PDCD6IP: variants seen among roughly 807,000 people sequenced by gnomAD.
PDCD6IP encodes the protein programmed cell death 6 interacting protein.
PDCD6IP carries 43 observed loss-of-function variants against 103.7 expected under a neutral mutation model. The observed-to-expected ratio is 0.41, with a 90% CI of 0.32 to 0.53. The LOEUF (loss-of-function observed/expected upper bound fraction) is 0.53, where lower values mean the gene tolerates loss of function less well. PDCD6IP is among the 20% of genes least tolerant of loss of function. The probability of loss-of-function intolerance (pLI) is 0.16; values close to 1 mark genes in which losing one functional copy is unlikely to be tolerated. For synonymous variants in PDCD6IP, 354 were observed against 378.7 expected, an observed-to-expected ratio of 0.93 and a Z score of 0.76; for missense variants, 871 against 1,036.7, an observed-to-expected ratio of 0.84 and a Z score of 2.20.
rs371977368 is a variant in PDCD6IP at position 33,836,185 on chromosome 3, C to A, written c.976C>A (p.Leu326Ile). ...CATTTATCATGATCGAGTTCCAGAC[C>A]TTAAAGATCTAGATCCTATTGGCAA... ...DFIYHDRVPD[L>I]KDLDPIGKAT... The change falls in exon 8 of 18, where the codon CTT becomes ATT. Residue 326 changes from leucine to isoleucine, a missense_variant. Transcript: ENST00000307296. 1.9e-6 allele frequency: 3 copies of A among 1,613,282 alleles called. No homozygotes were observed. Among genetic ancestry groups the A allele is most frequent in the Non-Finnish European group, 2.5e-6 (3 of 1,179,254 alleles).
rs148107122 is a variant in PDCD6IP at position 33,825,144 on chromosome 3, T to A, written c.463-43T>A. ...TTATATGTAACAGTAGGAAATTAAG[T>A]CTTGCTGAGTTCCTATAAAGAAATT... On this transcript the variant is annotated intron_variant, in intron 4 of 17. Coordinates refer to ENST00000307296, the MANE Select transcript of PDCD6IP (RefSeq NM_013374.6). 5.8e-3 allele frequency: 8,991 copies of A among 1,538,104 alleles called. 36 individuals are homozygous for A. Among genetic ancestry groups the A allele is most frequent in the Non-Finnish European group, 6.2e-3 (6,945 of 1,125,780 alleles).
chr3:33,851,955 G>A lies in PDCD6IP; in HGVS notation c.1642-533G>A, dbSNP rs369859757. ...CTCTATATCTCTCTCAGTCTCTCTA[G>A]GCAAAATAGGATATCTACTTACCTA... On this transcript the variant is annotated intron_variant, in intron 12 of 17. Coordinates refer to ENST00000307296, the MANE Select transcript of PDCD6IP (RefSeq NM_013374.6). Among the ~76,000 whole-genome samples the A allele has an allele frequency of 2.6e-4, 39 of 152,088 alleles. 2 individuals are homozygous for A. The South Asian group carries it at 7.5e-3, about 29-fold the overall frequency.
intron 12 of PDCD6IP, among the ~76,000 whole-genome samples, chr3:33,850,651 C>CT (rs946851284): frequency 1.3e-5 from 2 of 152,002 alleles, no homozygotes; most frequent in African/African-American, 2.4e-5. Context: ...CTTTTGTATC[C>CT]TTTTTTTCTC....
At chr3:33,841,640 A>G (rs1415674021) in intron 9 of PDCD6IP, among the ~76,000 whole-genome samples, 3 of 150,372 alleles carry the variant, frequency 2.0e-5, no homozygotes, top group Non-Finnish European at 4.4e-5. Context: ...GGGTTTCACC[A>G]TGTTAGCCAG....
intron 4 of PDCD6IP, among the ~76,000 whole-genome samples, chr3:33,824,901 A>T (rs1697082540): frequency 6.6e-6 from 1 of 152,196 alleles, no homozygotes; most frequent in Non-Finnish European, 1.5e-5. Flanking sequence ...GTTAATTTTG[A>T]GGAAGTATAT....
intron 6 of PDCD6IP, among the ~76,000 whole-genome samples, chr3:33,828,144 T>C (rs2125558137): frequency 6.6e-6 from 1 of 152,296 alleles, no homozygotes; most frequent in Non-Finnish European, 1.5e-5. Context: ...TTGGATCTTT[T>C]GAAATTAATT....
intron 1 of PDCD6IP, among the ~76,000 whole-genome samples, chr3:33,800,765 AG>A (rs1416276582): frequency 6.6e-6 from 1 of 152,168 alleles, no homozygotes; most frequent in Non-Finnish European, 1.5e-5. Context: ...TGGTATAATG[AG>A]CCCTGTGATA....
intron 15 of PDCD6IP, among the ~76,000 whole-genome samples, chr3:33,855,669 A>G (rs1481780038): frequency 1.3e-5 from 2 of 152,226 alleles, no homozygotes; most frequent in Non-Finnish European, 2.9e-5. Flanking sequence ...GCTGCTGAGA[A>G]AGCAGGGCCA....
At chr3:33,846,349 AC>A (rs752314433) in intron 12 of PDCD6IP, among the ~76,000 whole-genome samples, 3 of 152,208 alleles carry the variant, frequency 2.0e-5, no homozygotes, top group Non-Finnish European at 4.4e-5. Context: ...TTATTCCAAG[AC>A]CTACTGGATA....
At chr3:33,830,983 G>C (rs1697232472) in intron 7 of PDCD6IP, among the ~76,000 whole-genome samples, 1 of 152,038 alleles carries the variant, frequency 6.6e-6, no homozygotes, top group Non-Finnish European at 1.5e-5. Flanking sequence ...TTGGTCCTGT[G>C]CAAACCAGAA....
intron 3 of PDCD6IP, among the ~76,000 whole-genome samples, chr3:33,818,386 G>A (rs1214381009): frequency 6.6e-6 from 1 of 151,756 alleles, no homozygotes; most frequent in African/African-American, 2.4e-5. Flanking sequence ...GGGATTACAG[G>A]TGTGAGCCAC....
intron 15 of PDCD6IP, among the ~76,000 whole-genome samples, chr3:33,859,560 A>G (rs1302917820): frequency 1.3e-5 from 2 of 152,196 alleles, no homozygotes; most frequent in African/African-American, 4.8e-5. Flanking sequence ...AGGAAATACA[A>G]ATGGCTCTTA....
Position 33,853,946 on chromosome 3 carries a change from T to C in PDCD6IP, c.1958T>C (p.Leu653Ser). ...NNEANLREEV[L>S]KNLATAYDNF... ...GAAGCTAACTTAAGAGAAGAAGTTT[T>C]GAAGAATTTAGCTACTGCATATGAC... The change falls in exon 14 of 18, where the codon TTG becomes TCG. Residue 653 changes from leucine to serine, a missense_variant. By Grantham distance (145) the Leu-to-Ser change is moderately radical. This residue lies in a region of PDCD6IP where 266 missense variants were observed against 390.5 expected (regional missense o/e 0.68). Transcript: ENST00000307296. 2 of 1,591,366 alleles carry C rather than the reference T, an allele frequency of 1.3e-6. No individual in the cohort carries two copies. The highest frequency in any genetic ancestry group is 1.7e-6 in the Non-Finnish European group (2 of 1,172,696).
rs115769543 is a variant in PDCD6IP at position 33,851,201 on chromosome 3, G to A, written c.1642-1287G>A. On this transcript the variant is annotated intron_variant, in intron 12 of 17. Transcript: ENST00000307296. Reference sequence around the variant, plus strand: ...ATTGCTGCTGGTAGTGAGAAAGACAGGGGTGGAGACAGGGCTCGTGATGTC... The same window carrying A: ...ATTGCTGCTGGTAGTGAGAAAGACAAGGGTGGAGACAGGGCTCGTGATGTC... Among the ~76,000 whole-genome samples, 684 of 152,112 alleles carry A rather than the reference G, an allele frequency of 4.5e-3. 4 individuals carry two copies. Among genetic ancestry groups the A allele is most frequent in the Non-Finnish European group, 7.1e-3 (484 of 68,016 alleles).
At chr3:33,810,597 T>C (rs1334417054) in intron 1 of PDCD6IP, among the ~76,000 whole-genome samples, 1 of 152,200 alleles carries the variant, frequency 6.6e-6, no homozygotes, top group African/African-American at 2.4e-5. Flanking sequence ...AGGAAATACA[T>C]AGTTACACAT....
At chr3:33,805,081 G>T (rs115757865) in intron 1 of PDCD6IP, among the ~76,000 whole-genome samples, 1,616 of 152,270 alleles carry the variant, frequency 0.011, 21 homozygotes, top group Non-Finnish European at 0.018. Flanking sequence ...TTCCGGCCGG[G>T]TGTGGTGGCT....
chr3:33,863,878 T>C (rs1698007457), intron 15 of PDCD6IP, 128 bp from the exon 16 acceptor site: 1 of 681,258 alleles, frequency 1.5e-6, no homozygotes. Flanking sequence ...ATGTAGTATA[T>C]TTTAAAATAC....
At chr3:33,833,311 A>G (rs1697280480) in intron 7 of PDCD6IP, among the ~76,000 whole-genome samples, 1 of 151,960 alleles carries the variant, frequency 6.6e-6, no homozygotes, top group Admixed American at 6.6e-5. Flanking sequence ...TGGTTTGTTC[A>G]AATCAGGATC....
At position 33,836,098 on chromosome 3, in the gene PDCD6IP, G is replaced by A. The variant is rs779588112; in HGVS notation, c.889G>A (p.Val297Met). The change falls in exon 8 of 18, where the codon GTG becomes ATG. Residue 297 changes from valine (V) to methionine (M), a missense_variant. Coordinates refer to ENST00000307296, the MANE Select transcript of PDCD6IP (RefSeq NM_013374.6). ...VASRYDEYVN[V>M]KDFSDKINRA... ...ATCTCGCTATGATGAATATGTTAATGTGAAGGATTTTTCTGACAAAATCAA... is the reference window on the plus strand; with the variant it reads ...ATCTCGCTATGATGAATATGTTAATATGAAGGATTTTTCTGACAAAATCAA... 2.5e-6 allele frequency: 4 copies of A among 1,612,094 alleles called. No individual in the cohort carries two copies. The highest frequency in any genetic ancestry group is 1.3e-5 in the African/African-American group (1 of 74,834).
Sources: gnomAD v4.1 joint callset for allele counts (sites outside exome capture counted in the v4.1 genomes callset) on GRCh38, gnomAD v4.1.1 for gene constraint, gnomAD v4.1.1 regional missense constraint, MANE v1.5 for transcripts, NCBI Gene and HGNC (gene_info 2026-07-23, HGNC 2026-07-21) for gene names.